The following SLC15A4 variants were observed in gnomAD, a reference collection of about 807,000 sequenced individuals.
The protein encoded by SLC15A4 is solute carrier family 15 member 4, also known as hPHT1.
In SLC15A4, 26 loss-of-function variants were observed where a neutral mutation model predicts 46.1. The ratio of observed to expected loss-of-function variants is 0.56; its 90% CI spans 0.41 to 0.78. The LOEUF (loss-of-function observed/expected upper bound fraction) is 0.78. SLC15A4 is among the 30% of genes least tolerant of loss of function. The pLI, the probability that SLC15A4 is intolerant of heterozygous loss-of-function variation, is 0.00. For missense variants in SLC15A4, 751 were observed against 755.7 expected, an observed-to-expected ratio of 0.99 and a Z score of 0.07; for synonymous variants, 370 against 333.4, an observed-to-expected ratio of 1.11 and a Z score of -1.20.
At position 128,823,596 on chromosome 12, in the gene SLC15A4, G is replaced by A; in HGVS notation, c.348C>T (p.Gly116=). The change falls in exon 1 of 8, where the codon GGC becomes GGT. Residue 116 remains glycine (G), a synonymous_variant. Transcript: ENST00000266771. The stretch of plus-strand genomic sequence containing the variant: ...CGGCCAGCAGCGGGAAGGCCAGCAT[G>A]CCCAGCAGGTAGAGCGCCAGGCTCA... ...ILLSLALYLL[G]MLAFPLLAAP... 2 of 1,457,680 alleles carry A rather than the reference G, an allele frequency of 1.4e-6. No individual in the cohort carries two copies. Among genetic ancestry groups the A allele is most frequent in the African/African-American group, 1.5e-5 (1 of 67,792 alleles). The allele number at this position is 1,457,680 out of a possible 1,614,324, so 90.3% of individuals were successfully genotyped here.
At chr12:128,803,496 G>C (rs1461976932) in intron 5 of SLC15A4, among the ~76,000 whole-genome samples, 2 of 152,172 alleles carry the variant, frequency 1.3e-5, no homozygotes, top group Non-Finnish European at 2.9e-5. Flanking sequence ...GAGACTTGGA[G>C]ACAACTGGCA....
chr12:128,806,139 C>A (rs1172161204), intron 5 of SLC15A4, among the ~76,000 whole-genome samples: 1 of 124,266 alleles, frequency 8.0e-6, no homozygotes, highest in African/African-American at 3.0e-5. Context: ...CACTGCACTC[C>A]AGCCTGGGCG....
chr12:128,810,247 T>C (rs1307564151), intron 2 of SLC15A4, 136 bp from the exon 3 acceptor site: 1 of 753,506 alleles, frequency 1.3e-6, no homozygotes, highest in Non-Finnish European at 2.1e-6. Flanking sequence ...ACTTACTAAT[T>C]GTACACACCC....
At chr12:128,818,474 A>C (rs1414135430) in intron 1 of SLC15A4, among the ~76,000 whole-genome samples, 6 of 152,240 alleles carry the variant, frequency 3.9e-5, no homozygotes, top group Non-Finnish European at 8.8e-5. Context: ...CGCCTGGGGC[A>C]CAACAGAGTG....
Position 128,800,901 on chromosome 12 carries a change from G to A in SLC15A4, c.1367C>T (p.Pro456Leu), listed in dbSNP as rs1296637038. 6.8e-6 allele frequency: 11 copies of A among 1,613,908 alleles called. No homozygotes were observed. Among genetic ancestry groups the A allele is most frequent in the South Asian group, 2.2e-5 (2 of 91,072 alleles). The change falls in exon 6 of 8, where the codon CCG becomes CTG. Residue 456 changes from proline to leucine, a missense_variant. By Grantham distance (98) the Pro-to-Leu change is moderately conservative. Coordinates refer to ENST00000266771, the MANE Select transcript of SLC15A4 (RefSeq NM_145648.4). ...AADLSLWWQV[P>L]QYLLIGISEI... ...GCTGATCCCAATCAGCAAGTACTGC[G>A]GCACCTGCCACCACAGCGACAGATC...
chr12:128,806,711 G>A (rs1955593412), intron 5 of SLC15A4, among the ~76,000 whole-genome samples: 1 of 152,044 alleles, frequency 6.6e-6, no homozygotes, highest in Admixed American at 6.6e-5. Context: ...GTTTCAGGAC[G>A]CACACATGCT....
chr12:128,820,146 G>A (rs908071921), intron 1 of SLC15A4, among the ~76,000 whole-genome samples: 13 of 152,304 alleles, frequency 8.5e-5, no homozygotes, highest in East Asian at 1.9e-4. Flanking sequence ...TACCAGCCCC[G>A]TTCCTTCATG....
chr12:128,809,156 G>T, intron 4 of SLC15A4, 200 bp from the exon 5 acceptor site: 2 of 621,914 alleles, frequency 3.2e-6, no homozygotes, highest in Non-Finnish European at 5.4e-6. Flanking sequence ...TGTGTTTTGA[G>T]GGGAAAATAA....
intron 6 of SLC15A4, 72 bp downstream of exon 6, chr12:128,800,781 CA>C (rs1368461917): frequency 6.9e-7 from 1 of 1,458,996 alleles, no homozygotes; most frequent in East Asian, 2.3e-5. Flanking sequence ...CATATTCCAA[CA>C]GCACAGTCAG....
chr12:128,814,266 C>CTGACCGCTGTATGATGAAGCCCA, intron 2 of SLC15A4: 1 of 210,730 alleles, frequency 4.7e-6, no homozygotes, highest in Non-Finnish European at 9.5e-6. Flanking sequence ...TATGATGGAC[C>CTGACCGCTGTATGATGAAGCCCA]TGACCGCCGT....
chr12:128,817,842 T>C (rs1391321980), intron 1 of SLC15A4, among the ~76,000 whole-genome samples: 3 of 152,184 alleles, frequency 2.0e-5, no homozygotes, highest in Non-Finnish European at 4.4e-5. Flanking sequence ...CATCACATGC[T>C]TCCCAGCCCC....
chr12:128,807,027 C>T (rs1389067767), intron 5 of SLC15A4, among the ~76,000 whole-genome samples: 2 of 151,830 alleles, frequency 1.3e-5, no homozygotes, highest in African/African-American at 4.8e-5. Context: ...CTCAACCTCC[C>T]GAGTAGCTGG....
Position 128,808,909 on chromosome 12 carries a change from C to G in SLC15A4, c.1137G>C (p.Leu379=). The G allele has an allele frequency of 6.2e-7, 1 of 1,614,194 alleles. No homozygotes were observed. Among genetic ancestry groups the G allele is most frequent in the South Asian group, 1.1e-5 (1 of 91,086 alleles). The change falls in exon 5 of 8, where the codon CTG becomes CTC. Residue 379 remains leucine (L), a synonymous_variant. Coordinates refer to ENST00000266771, the MANE Select transcript of SLC15A4 (RefSeq NM_145648.4). ...CCAGTTTGTCCTTCAGAGGGATGAG[C>G]AGGAGGATGAGCACAGCATCAAACA... is the stretch of plus-strand genomic sequence containing the variant. ...LTMFDAVLIL[L]LIPLKDKLVD...
intron 5 of SLC15A4, among the ~76,000 whole-genome samples, chr12:128,806,102 A>T (rs1955584085): frequency 7.2e-6 from 1 of 139,456 alleles, no homozygotes; most frequent in Non-Finnish European, 1.5e-5. Context: ...CCCGGTAGGC[A>T]GAGCTTGCAG....
At chr12:128,820,668 GTGTAGACA>G (rs1188861405) in intron 1 of SLC15A4, among the ~76,000 whole-genome samples, 6 of 148,912 alleles carry the variant, frequency 4.0e-5, no homozygotes, top group East Asian at 2.0e-4. Context: ...CTAAGTAGTC[GTGTAGACA>G]TGTAGACATG....
At chr12:128,794,912 G>A (rs1955427752) in intron 7 of SLC15A4, among the ~76,000 whole-genome samples, 1 of 152,156 alleles carries the variant, frequency 6.6e-6, no homozygotes, top group Non-Finnish European at 1.5e-5. Context: ...CCGGTCTGGT[G>A]TTATTTCCTT....
intron 1 of SLC15A4, among the ~76,000 whole-genome samples, chr12:128,821,646 G>A (rs766617775): frequency 2.0e-4 from 31 of 152,156 alleles, no homozygotes; most frequent in Non-Finnish European, 3.4e-4. Context: ...CCAGCACTTT[G>A]GGAGGCCGAG....
chr12:128,820,971 G>A (rs531981120), intron 1 of SLC15A4, among the ~76,000 whole-genome samples: 25 of 152,272 alleles, frequency 1.6e-4, no homozygotes, highest in African/African-American at 5.5e-4. Context: ...TGTCACAGGA[G>A]TGAACTCTCC....
chr12:128,801,116 C>T (rs1053302887), intron 5 of SLC15A4, 107 bp from the exon 6 acceptor site: 24 of 1,033,172 alleles, frequency 2.3e-5, no homozygotes, highest in South Asian at 3.2e-5. Context: ...GATTCTGATG[C>T]GTGAAAGGAC....
Sources: allele counts gnomAD v4.1 joint callset (sites outside exome capture counted in the v4.1 genomes callset), GRCh38; gene constraint gnomAD v4.1.1; transcripts MANE v1.5; gene names NCBI Gene and HGNC (gene_info 2026-07-23, HGNC 2026-07-21).